JAKMIP1: variants seen among roughly 807,000 people sequenced by gnomAD.
The protein encoded by JAKMIP1 is janus kinase and microtubule interacting protein 1.
In JAKMIP1, 33 loss-of-function variants were observed where a neutral mutation model predicts 113.0. The observed-to-expected ratio is 0.29, with a 90% CI of 0.22 to 0.39. The LOEUF (loss-of-function observed/expected upper bound fraction) is 0.39, where lower values mean the gene tolerates loss of function less well. JAKMIP1 is among the 10% of genes least tolerant of loss of function. JAKMIP1 has a pLI of 1.00. For synonymous variants in JAKMIP1, 480 were observed against 459.9 expected (o/e 1.04, Z -0.56); for missense variants, 813 against 1,080.5 (o/e 0.75, Z 3.47).
chr4:6,064,910 GGTCCTGTCT>G lies in JAKMIP1; in HGVS notation c.1392_1400del (p.Asp465_Thr467del), dbSNP rs765058523. 6.2e-7 allele frequency: 1 copy of G among 1,614,102 alleles called. No individual in the cohort carries two copies. Among genetic ancestry groups the G allele is most frequent in the Non-Finnish European group, 8.5e-7 (1 of 1,180,026 alleles). On this transcript the variant is annotated inframe_deletion, in exon 9 of 21. Coordinates refer to ENST00000409021, the MANE Select transcript of JAKMIP1 (RefSeq NM_001099433.2). This position sits in a 1 kb window ranked among gnomAD's most constrained non-coding sequence, Gnocchi z 4.3. ...CCAAGTCTTCTTCGGGCGTGGCTGG[GGTCCTGTCT>G]GTCCTGTCTGTGTTGTAGGATGTTT...
rs1054958195 is a variant in JAKMIP1 at position 6,139,820 on chromosome 4, G to A, written c.-147-26823C>T. ...AATAAAATAAGGAAATGGGAGCACA[G>A]AGACACAGAGACAAAGGAGAACACC... On this transcript the variant is annotated intron_variant, in intron 1 of 20. Transcript: ENST00000409021. This position sits in a 1 kb window ranked among gnomAD's most constrained non-coding sequence, Gnocchi z 5.2. 6.6e-6 allele frequency among the ~76,000 whole-genome samples: 1 copy of A among 150,680 alleles called. No individual in the cohort carries two copies. Among genetic ancestry groups the A allele is most frequent in the African/African-American group, 2.5e-5 (1 of 40,144 alleles).
intron 1 of JAKMIP1, among the ~76,000 whole-genome samples, chr4:6,115,663 T>C (rs972863060): frequency 6.6e-6 from 1 of 152,236 alleles, no homozygotes; most frequent in Admixed American, 6.5e-5. Context: ...AGTACAATGT[T>C]CTACTTCAAT....
chr4:6,037,516 C>T (rs1451829690), intron 18 of JAKMIP1, among the ~76,000 whole-genome samples: 3 of 143,152 alleles, frequency 2.1e-5, no homozygotes, highest in Non-Finnish European at 3.0e-5. Flanking sequence ...GAGGTTAACC[C>T]AGTAGCCCTC....
chr4:6,039,616 G>C (rs774326573), intron 18 of JAKMIP1, among the ~76,000 whole-genome samples: 6 of 152,130 alleles, frequency 3.9e-5, no homozygotes, highest in Non-Finnish European at 8.8e-5. Context: ...CTGAAATGTC[G>C]TGTAACCAGA....
intron 1 of JAKMIP1, among the ~76,000 whole-genome samples, chr4:6,128,728 G>T (rs568527937): frequency 4.0e-4 from 61 of 152,218 alleles, no homozygotes; most frequent in African/African-American, 1.3e-3. Context: ...AGTCCTTCTG[G>T]TGCCCCCAGC....
chr4:6,091,874 G>T (rs1722107832), intron 3 of JAKMIP1, among the ~76,000 whole-genome samples: 1 of 152,094 alleles, frequency 6.6e-6, no homozygotes, highest in Non-Finnish European at 1.5e-5. Flanking sequence ...CTTTAAAAGG[G>T]TGCCTTGTCA....
At chr4:6,078,300 G>A (rs1156479972) in intron 8 of JAKMIP1, among the ~76,000 whole-genome samples, 1 of 147,386 alleles carries the variant, frequency 6.8e-6, no homozygotes, top group Admixed American at 6.7e-5. Flanking sequence ...GGACAACAGA[G>A]TGAGACTCTG....
chr4:6,082,070 C>T (rs998800410), intron 5 of JAKMIP1, among the ~76,000 whole-genome samples: 1 of 152,074 alleles, frequency 6.6e-6, no homozygotes, highest in Non-Finnish European at 1.5e-5. Context: ...ATCATGATAA[C>T]CACAGGCACA....
At position 6,167,269 on chromosome 4, in the gene JAKMIP1, T is replaced by A. The variant is rs13146777; in HGVS notation, c.-148+32984A>T. 6.6e-6 allele frequency among the ~76,000 whole-genome samples: 1 copy of A among 151,702 alleles called. No individual in the cohort carries two copies. Among genetic ancestry groups the A allele is most frequent in the African/African-American group, 2.4e-5 (1 of 41,298 alleles). On this transcript the variant is annotated intron_variant, in intron 1 of 20. Coordinates refer to ENST00000409021, the MANE Select transcript of JAKMIP1 (RefSeq NM_001099433.2). The surrounding 1 kb of genome is among the most constrained non-coding windows in gnomAD (Gnocchi z 5.3). ...CCCTCTTGCATCCAAGCAGTCCCCA[T>A]GTCCCATCAGAGCTGGGACTTCATC...
intron 11 of JAKMIP1, among the ~76,000 whole-genome samples, chr4:6,057,397 C>T (rs1305762964): frequency 6.6e-6 from 1 of 152,174 alleles, no homozygotes; most frequent in Non-Finnish European, 1.5e-5. Flanking sequence ...GCTGAGGCCC[C>T]TCCCAAGCAC....
chr4:6,199,619 T>G lies in JAKMIP1; in HGVS notation c.-148+634A>C, dbSNP rs1728224262. On this transcript the variant is annotated intron_variant, in intron 1 of 20. Coordinates refer to ENST00000409021, the MANE Select transcript of JAKMIP1 (RefSeq NM_001099433.2). The surrounding 1 kb of genome is among the most constrained non-coding windows in gnomAD (Gnocchi z 5.6). ...CTTTCTTCCCATCTCTCGAGCCTCCTCCCCGGCGCCCACGTGGGCGGAGCA... is the reference window on the plus strand; with the variant it reads ...CTTTCTTCCCATCTCTCGAGCCTCCGCCCCGGCGCCCACGTGGGCGGAGCA... 6.6e-6 allele frequency among the ~76,000 whole-genome samples: 1 copy of G among 151,586 alleles called. No individual in the cohort carries two copies. The highest frequency in any genetic ancestry group is 1.5e-5 in the Non-Finnish European group (1 of 67,810).
At chr4:6,111,672 T>G (rs1714954256) in intron 2 of JAKMIP1, among the ~76,000 whole-genome samples, 1 of 152,204 alleles carries the variant, frequency 6.6e-6, no homozygotes, top group South Asian at 2.1e-4. Flanking sequence ...CGGGTCTGCC[T>G]AGAAAGCCTG....
intron 1 of JAKMIP1, among the ~76,000 whole-genome samples, chr4:6,165,865 T>C (rs1015254205): frequency 2.0e-5 from 3 of 152,046 alleles, no homozygotes; most frequent in African/African-American, 4.8e-5. Context: ...AGGCCAGAAG[T>C]CAAAATTCCT....
chr4:6,056,168 G>A (rs867543084), intron 12 of JAKMIP1, among the ~76,000 whole-genome samples: 9 of 149,146 alleles, frequency 6.0e-5, no homozygotes, highest in Admixed American at 5.3e-4. Context: ...CATCTCTGCA[G>A]GGTGTCTGCA....
Position 6,176,120 on chromosome 4 carries a change from T to C in JAKMIP1, c.-148+24133A>G, listed in dbSNP as rs1216794921. Among the ~76,000 whole-genome samples, 1 of 152,138 alleles carries C rather than the reference T, an allele frequency of 6.6e-6. No homozygotes were observed. The highest frequency in any genetic ancestry group is 1.5e-5 in the Non-Finnish European group (1 of 68,030). On this transcript the variant is annotated intron_variant, in intron 1 of 20. Coordinates refer to ENST00000409021, the MANE Select transcript of JAKMIP1 (RefSeq NM_001099433.2). The surrounding 1 kb of genome is among the most constrained non-coding windows in gnomAD (Gnocchi z 5.5). ...AATGCTCCCCTGGAGTAGTCAGAGA[T>C]CTAGTGAGAAGAAGGGACTACAAAT...
intron 19 of JAKMIP1, among the ~76,000 whole-genome samples, chr4:6,033,122 C>G (rs927086973): frequency 6.6e-5 from 10 of 152,232 alleles, no homozygotes; most frequent in Non-Finnish European, 1.2e-4. Context: ...GTGCCATTCA[C>G]TAATGGATGT....
At chr4:6,122,329 T>C (rs1369523546) in intron 1 of JAKMIP1, among the ~76,000 whole-genome samples, 10 of 151,502 alleles carry the variant, frequency 6.6e-5, no homozygotes, top group Non-Finnish European at 1.2e-4. Flanking sequence ...CTGTCTCAAA[T>C]AGTAATAATA....
rs143482326 is a variant in JAKMIP1 at position 6,142,658 on chromosome 4, A to G, written c.-147-29661T>C. On this transcript the variant is annotated intron_variant, in intron 1 of 20. Coordinates refer to ENST00000409021, the MANE Select transcript of JAKMIP1 (RefSeq NM_001099433.2). This position sits in a 1 kb window ranked among gnomAD's most constrained non-coding sequence, Gnocchi z 5.5. ...TTGGGATCAAATGTGCGGCCTCTGG[A>G]CAGGCACAGCTCTGCTTCCCAGCCG... Among the ~76,000 whole-genome samples the G allele has an allele frequency of 2.2e-3, 336 of 152,264 alleles. 1 individual carries two copies. The highest frequency in any genetic ancestry group is 7.7e-3 in the African/African-American group (320 of 41,550).
At chr4:6,066,736 C>A (rs1374669106) in intron 8 of JAKMIP1, among the ~76,000 whole-genome samples, 1 of 152,156 alleles carries the variant, frequency 6.6e-6, no homozygotes. Context: ...CTCCCCCTCT[C>A]TCCATTGGGA....
Sources: allele counts gnomAD v4.1 joint callset (sites outside exome capture counted in the v4.1 genomes callset), GRCh38; gene constraint gnomAD v4.1.1; non-coding constraint Gnocchi (gnomAD v3.1); transcripts MANE v1.5; gene names NCBI Gene and HGNC (gene_info 2026-07-23, HGNC 2026-07-21).